Variants in AMZ1 observed in about 807,000 individuals in gnomAD.
AMZ1 encodes the protein archaelysin family metallopeptidase 1.
In AMZ1, 39 loss-of-function variants were observed where a neutral mutation model predicts 29.9. The observed-to-expected ratio is 1.30, with a 90% CI of 1.01 to 1.70. The LOEUF (loss-of-function observed/expected upper bound fraction) is 1.70. Among genes scored for constraint, AMZ1 ranks in the 40% most tolerant of loss-of-function variants. The pLI is 0.00. For missense variants in AMZ1, 1,041 were observed against 680.6 expected (o/e 1.53, Z -5.89); for synonymous variants, 458 against 304.0 (o/e 1.51, Z -5.27).
At chr7:2,764,418 T>C (rs1791716464), upstream of AMZ1, among the ~76,000 whole-genome samples, 1 of 152,064 alleles carries the variant, frequency 6.6e-6, no homozygotes, top group Non-Finnish European at 1.5e-5. Flanking sequence ...GTACATCTGA[T>C]ATTGCTGACC....
At chr7:2,684,872 CTTTTTT>C (rs60735391), upstream of AMZ1, among the ~76,000 whole-genome samples, 1 of 132,632 alleles carries the variant, frequency 7.5e-6, no homozygotes, top group Non-Finnish European at 1.6e-5. Context: ...CACATAATTG[CTTTTTT>C]TTTTTTTTTT....
intron 4 of AMZ1, chr7:2,730,678 G>A (rs896477429): frequency 1.3e-5 from 2 of 153,890 alleles, no homozygotes; most frequent in African/African-American, 4.8e-5. Flanking sequence ...CAGGCACTGA[G>A]TTTAGCAGCA....
chr7:2,752,383 G>A (rs1050167475), intron 4 of AMZ1, among the ~76,000 whole-genome samples: 1 of 152,176 alleles, frequency 6.6e-6, no homozygotes, highest in African/African-American at 2.4e-5. Flanking sequence ...CTGGGTGTAA[G>A]GCAAGGATGC....
At chr7:2,726,163 G>C (rs1789607325) in intron 4 of AMZ1, among the ~76,000 whole-genome samples, 1 of 152,222 alleles carries the variant, frequency 6.6e-6, no homozygotes, top group South Asian at 2.1e-4. Context: ...ACCAGATTTG[G>C]AAAGGCTGCA....
intron 4 of AMZ1, among the ~76,000 whole-genome samples, chr7:2,740,343 T>G (rs753781191): frequency 3.3e-4 from 50 of 152,154 alleles, no homozygotes; most frequent in Non-Finnish European, 6.9e-4. Flanking sequence ...GACCTCATGA[T>G]ACGATAGTGC....
intron 4 of AMZ1, among the ~76,000 whole-genome samples, chr7:2,743,179 C>A (rs1367484064): frequency 1.3e-5 from 2 of 152,126 alleles, no homozygotes; most frequent in Non-Finnish European, 2.9e-5. Flanking sequence ...GCCCCTGAAC[C>A]GTATATATGG....
At chr7:2,719,839 T>C (rs798555), downstream of AMZ1, among the ~76,000 whole-genome samples, 36,115 of 151,884 alleles carry the variant, frequency 0.24, 5,002 homozygotes, top group Non-Finnish European at 0.29. Context: ...TGCCACACCA[T>C]GCCCGGCTAA....
upstream of AMZ1, among the ~76,000 whole-genome samples, chr7:2,761,342 C>T (rs79529046): frequency 0.02 from 3,091 of 152,318 alleles, 61 homozygotes; most frequent in Middle Eastern, 0.075. Context: ...CCTAGAGGCA[C>T]GGGGTGGGCA....
At chr7:2,687,622 C>T (rs2115035404), upstream of AMZ1, among the ~76,000 whole-genome samples, 1 of 152,352 alleles carries the variant, frequency 6.6e-6, no homozygotes. Flanking sequence ...GCACTCACAG[C>T]TGGCCAGGGT....
At position 2,715,367 on chromosome 7, in the gene AMZ1, G is replaced by A. The variant is rs148019125; in HGVS notation, c.*2489G>A. Reference sequence around the variant, plus strand: ...TGCGAGGTGGCCTGACCTGTTTTCCGATTTCCTTCATCTTCTGCAAAAGGT... The same window carrying A: ...TGCGAGGTGGCCTGACCTGTTTTCCAATTTCCTTCATCTTCTGCAAAAGGT... On this transcript the variant is annotated 3_prime_UTR_variant, in exon 7 of 7. Transcript: ENST00000683327. The A allele has an allele frequency of 1.3e-4, 20 of 152,488 alleles. No individual in the cohort carries two copies. Among genetic ancestry groups the A allele is most frequent in the Middle Eastern group, 3.4e-3 (1 of 294 alleles). The allele number at this position is 152,488 out of a possible 1,614,324, so 9.4% of individuals were successfully genotyped here.
chr7:2,731,742 A>C lies in AMZ1; in HGVS notation n.550+21926A>C, dbSNP rs759677261. 1.8e-5 allele frequency: 28 copies of C among 1,516,504 alleles called. No individual in the cohort carries two copies. Among genetic ancestry groups the C allele is most frequent in the Non-Finnish European group, 7.1e-6 (8 of 1,124,214 alleles). The allele number at this position is 1,516,504 out of a possible 1,614,324, so 93.9% of individuals were successfully genotyped here. ...CCAGCAGGATATCTTGCTTACTAGG[A>C]AAGTAATTCTGTAAAATACAGGATG... On this transcript the variant is annotated intron_variant and non_coding_transcript_variant, in intron 4 of 4. Transcript: ENST00000489665. The surrounding 1 kb of genome is among the most constrained non-coding windows in gnomAD (Gnocchi z 6.0).
chr7:2,701,441 T>C (rs73283141), intron 2 of AMZ1, among the ~76,000 whole-genome samples: 4,848 of 151,810 alleles, frequency 0.032, 266 homozygotes, highest in African/African-American at 0.11. Flanking sequence ...CTGAGCAGGG[T>C]GGGGGCTTGA....
rs749900591 is a variant in AMZ1, at chr7:2,731,221, G to C, written n.550+21405G>C. 1.2e-6 allele frequency: 2 copies of C among 1,613,328 alleles called. No homozygotes were observed. The highest frequency in any genetic ancestry group is 8.5e-7 in the Non-Finnish European group (1 of 1,179,680). ...GTCCTTCAGGTTCTCCTGCAGGATG[G>C]TGTCTTTCACAGCATGGAACACGAA... is the stretch of plus-strand genomic sequence containing the variant. On this transcript the variant is annotated intron_variant and non_coding_transcript_variant, in intron 4 of 4. Transcript: ENST00000489665. The surrounding 1 kb of genome is among the most constrained non-coding windows in gnomAD (Gnocchi z 6.0).
intron 4 of AMZ1, among the ~76,000 whole-genome samples, chr7:2,755,762 AT>A (rs1055771183): frequency 2.6e-5 from 4 of 152,134 alleles, no homozygotes; most frequent in Non-Finnish European, 4.4e-5. Context: ...AAAACAGGAA[AT>A]TTTTTTTAAA....
Position 2,716,927 on chromosome 7 carries a change from G to C in AMZ1, c.*4049G>C, listed in dbSNP as rs1223949515. On this transcript the variant is annotated 3_prime_UTR_variant, in exon 7 of 7. Transcript: ENST00000683327. ...ACGGCAGAGCGGAAGTTGAGGCGCA[G>C]TCTGTTCTTGCTTGAACCCCGAGTT... 2.6e-5 allele frequency among the ~76,000 whole-genome samples: 4 copies of C among 152,246 alleles called. No homozygotes were observed. Among genetic ancestry groups the C allele is most frequent in the African/African-American group, 9.6e-5 (4 of 41,470 alleles).
intron 1 of AMZ1, among the ~76,000 whole-genome samples, chr7:2,697,171 C>T (rs147120284): frequency 0.022 from 3,392 of 152,192 alleles, 83 homozygotes; most frequent in African/African-American, 0.061. Context: ...GGCGCAATCT[C>T]GGCTCACTGC....
intron 4 of AMZ1, among the ~76,000 whole-genome samples, chr7:2,745,317 T>A (rs1310578367): frequency 6.6e-6 from 1 of 152,230 alleles, no homozygotes; most frequent in African/African-American, 2.4e-5. Context: ...TAACAGCTGA[T>A]CTCTTGGCAG....
chr7:2,698,287 C>G (rs1787855707), intron 1 of AMZ1, among the ~76,000 whole-genome samples: 1 of 152,178 alleles, frequency 6.6e-6, no homozygotes, highest in Admixed American at 6.5e-5. Context: ...CCTGTAATCC[C>G]AGCACTTTGG....
rs112171880 is a variant in AMZ1, at chr7:2,730,972, C to T, written n.550+21156C>T. 2.2e-3 allele frequency: 1,186 copies of T among 535,708 alleles called. 14 individuals carry two copies. The highest frequency in any genetic ancestry group is 0.019 in the African/African-American group (1,020 of 53,268). The allele number at this position is 535,708 out of a possible 1,614,324, so 33.2% of individuals were successfully genotyped here. A position where few individuals can be genotyped will look rare whatever the true frequency, so the allele number is the denominator to read the frequency against. ...TCGGATTTTCAGTAGTTTCACTCGC[C>T]CCCAGGATTCAGTAGCTAACGTGAC... On this transcript the variant is annotated intron_variant and non_coding_transcript_variant, in intron 4 of 4. Transcript: ENST00000489665.
Sources: allele counts gnomAD v4.1 joint callset (sites outside exome capture counted in the v4.1 genomes callset), GRCh38; gene constraint gnomAD v4.1.1; non-coding constraint Gnocchi (gnomAD v3.1); transcripts MANE v1.5; gene names NCBI Gene and HGNC (gene_info 2026-07-23, HGNC 2026-07-21).